The following ARHGAP15 variants were observed in gnomAD, a reference collection of about 807,000 sequenced individuals.
ARHGAP15 encodes the protein rho GTPase-activating protein 15.
Under a neutral mutation model 63.7 loss-of-function variants are expected in ARHGAP15, and 51 were observed. That is an observed-to-expected ratio of 0.80 (90% CI 0.64 to 1.01). The LOEUF (loss-of-function observed/expected upper bound fraction) is 1.01. ARHGAP15 is among the 50% of genes least tolerant of loss of function. The pLI is 0.00. For synonymous variants in ARHGAP15, 191 were observed against 193.8 expected (o/e 0.99, Z 0.12); for missense variants, 560 against 564.6 (o/e 0.99, Z 0.08).
At chr2:143,729,031 C>G (rs560354215) in intron 13 of ARHGAP15, among the ~76,000 whole-genome samples, 2 of 152,260 alleles carry the variant, frequency 1.3e-5, no homozygotes, top group Admixed American at 6.5e-5. Context: ...CCGCGATGTA[C>G]CAGTAAAAAG....
At chr2:143,369,601 T>C (rs1383731385) in intron 6 of ARHGAP15, among the ~76,000 whole-genome samples, 2 of 152,148 alleles carry the variant, frequency 1.3e-5, no homozygotes, top group African/African-American at 4.8e-5. Context: ...TTATCCAAAC[T>C]TCCAAAGTTT....
intron 11 of ARHGAP15, among the ~76,000 whole-genome samples, chr2:143,598,533 G>A (rs1236414538): frequency 6.6e-6 from 1 of 152,124 alleles, no homozygotes; most frequent in Admixed American, 6.6e-5. Context: ...AATAGGGCTA[G>A]CCACCCAATA....
At chr2:143,746,390 C>T (rs1259101236) in intron 13 of ARHGAP15, among the ~76,000 whole-genome samples, 1 of 151,660 alleles carries the variant, frequency 6.6e-6, no homozygotes, top group African/African-American at 2.4e-5. Context: ...AAGTAAAACA[C>T]AGAAGATAGG....
At chr2:143,322,567 C>T (rs1489335406) in intron 6 of ARHGAP15, among the ~76,000 whole-genome samples, 3 of 151,992 alleles carry the variant, frequency 2.0e-5, no homozygotes, top group African/African-American at 7.3e-5. Flanking sequence ...AGCAAGTAAC[C>T]ACAAAATTAA....
chr2:143,274,543 C>T (rs1202301953), intron 6 of ARHGAP15, among the ~76,000 whole-genome samples: 1 of 152,188 alleles, frequency 6.6e-6, no homozygotes, highest in East Asian at 1.9e-4. Flanking sequence ...CACTTTTAAA[C>T]CATTGTTCAC....
At chr2:143,721,860 G>A (rs1559144524) in intron 13 of ARHGAP15, among the ~76,000 whole-genome samples, 1 of 152,070 alleles carries the variant, frequency 6.6e-6, no homozygotes, top group Non-Finnish European at 1.5e-5. Context: ...CTAATTTTTT[G>A]TATTTTAGTA....
At chr2:143,315,792 ATATT>A (rs1321150726) in intron 6 of ARHGAP15, among the ~76,000 whole-genome samples, 13 of 152,186 alleles carry the variant, frequency 8.5e-5, no homozygotes, top group African/African-American at 3.1e-4. Context: ...TATATATTAA[ATATT>A]TATTTAGGCC....
intron 11 of ARHGAP15, among the ~76,000 whole-genome samples, chr2:143,578,019 C>G (rs867333775): frequency 2.6e-5 from 4 of 152,130 alleles, no homozygotes; most frequent in Admixed American, 6.6e-5. Context: ...GCTTAAAACT[C>G]TTTAGATAAA....
At chr2:143,317,191 T>A (rs1683760150) in intron 6 of ARHGAP15, among the ~76,000 whole-genome samples, 1 of 137,776 alleles carries the variant, frequency 7.3e-6, no homozygotes, top group Admixed American at 7.3e-5. Flanking sequence ...ACACTTTGTC[T>A]TTCTTGTCCC....
chr2:143,687,645 G>C (rs972824644), intron 12 of ARHGAP15, among the ~76,000 whole-genome samples: 2 of 152,136 alleles, frequency 1.3e-5, no homozygotes, highest in African/African-American at 2.4e-5. Context: ...AATACCTAGA[G>C]GAAAGTCTAG....
At chr2:143,546,081 G>A (rs1000069513) in intron 10 of ARHGAP15, among the ~76,000 whole-genome samples, 1 of 152,176 alleles carries the variant, frequency 6.6e-6, no homozygotes, top group Non-Finnish European at 1.5e-5. Context: ...GCTGAAATGT[G>A]ATGACTGTGA....
At chr2:143,268,325 T>C (rs560024811) in intron 6 of ARHGAP15, among the ~76,000 whole-genome samples, 2 of 152,214 alleles carry the variant, frequency 1.3e-5, no homozygotes, top group South Asian at 4.1e-4. Context: ...TGGGAAATAT[T>C]CTAGGATATG....
intron 10 of ARHGAP15, among the ~76,000 whole-genome samples, chr2:143,545,974 TGTAA>T (rs759976946): frequency 1.6e-4 from 25 of 152,218 alleles, no homozygotes; most frequent in Non-Finnish European, 2.9e-4. Context: ...AAAAGCTGCC[TGTAA>T]GTGTTTTGCT....
intron 12 of ARHGAP15, among the ~76,000 whole-genome samples, chr2:143,675,443 T>C (rs1341317768): frequency 6.6e-6 from 1 of 152,204 alleles, no homozygotes; most frequent in Non-Finnish European, 1.5e-5. Context: ...TTCAATTTAC[T>C]TCGCCCACAT....
chr2:143,553,577 C>A (rs964858431), intron 10 of ARHGAP15, among the ~76,000 whole-genome samples: 1 of 152,200 alleles, frequency 6.6e-6, no homozygotes, highest in African/African-American at 2.4e-5. Flanking sequence ...CAGCTGTGCT[C>A]CCTCCTTTTA....
rs1418295553 is a variant in ARHGAP15, at chr2:143,768,336, T to A, written c.*164T>A. On this transcript the variant is annotated 3_prime_UTR_variant, in exon 14 of 14. Transcript: ENST00000295095. Reference sequence around the variant, plus strand: ...TGTGTTTAAGTTCCAAACATTTGAATAAAATAATTGACAATATTTGCCTCT... The same window carrying A: ...TGTGTTTAAGTTCCAAACATTTGAAAAAAATAATTGACAATATTTGCCTCT... 1 of 708,152 alleles carries A rather than the reference T, an allele frequency of 1.4e-6. No individual in the cohort carries two copies. The highest frequency in any genetic ancestry group is 1.8e-5 in the African/African-American group (1 of 55,798). 43.9% of individuals were successfully genotyped at this position (708,152 alleles called of 1,614,324 possible).
Position 143,677,232 on chromosome 2 carries a change from G to A in ARHGAP15, c.1139-26187G>A, listed in dbSNP as rs556806290. On this transcript the variant is annotated intron_variant, in intron 12 of 13. Coordinates refer to ENST00000295095, the MANE Select transcript of ARHGAP15 (RefSeq NM_018460.4). Reference sequence around the variant, plus strand: ...ATTCAGACCTGATGAGCTTGCTCAGGGATTTATGTGTGGTGAACAGCAAGT... The same window carrying A: ...ATTCAGACCTGATGAGCTTGCTCAGAGATTTATGTGTGGTGAACAGCAAGT... Among the ~76,000 whole-genome samples, 10 of 152,344 alleles carry A rather than the reference G, an allele frequency of 6.6e-5. No homozygotes were observed. In the South Asian group the frequency reaches 2.1e-3, roughly 32 times the overall value.
chr2:143,499,284 G>C (rs1692952689), intron 9 of ARHGAP15, among the ~76,000 whole-genome samples: 1 of 152,138 alleles, frequency 6.6e-6, no homozygotes, highest in Non-Finnish European at 1.5e-5. Flanking sequence ...TGTTAGTTCT[G>C]CTTTTGCAGC....
chr2:143,238,905 GA>G (rs1358493312), intron 5 of ARHGAP15, among the ~76,000 whole-genome samples: 1 of 152,158 alleles, frequency 6.6e-6, no homozygotes, highest in Non-Finnish European at 1.5e-5. Flanking sequence ...GACATGGATG[GA>G]GTGGAAATCA....
Sources: gnomAD v4.1 joint callset for allele counts (sites outside exome capture counted in the v4.1 genomes callset) on GRCh38, gnomAD v4.1.1 for gene constraint, MANE v1.5 for transcripts, NCBI Gene and HGNC (gene_info 2026-07-23, HGNC 2026-07-21) for gene names.